The following CYP20A1 variants were observed in gnomAD, a reference collection of about 807,000 sequenced individuals.
CYP20A1 encodes the protein cytochrome P450 20A1.
Under a neutral mutation model 61.4 loss-of-function variants are expected in CYP20A1, and 61 were observed. The observed-to-expected ratio is 0.99, with a 90% CI of 0.81 to 1.23. The LOEUF is 1.23. CYP20A1 is among the 50% of genes most tolerant of loss of function. The pLI is 0.00. For synonymous variants in CYP20A1, 193 were observed against 188.2 expected, an observed-to-expected ratio of 1.03 and a Z score of -0.21; for missense variants, 530 against 542.4, an observed-to-expected ratio of 0.98 and a Z score of 0.23.
At chr2:203,288,565 T>C (rs2068399182) in intron 9 of CYP20A1, among the ~76,000 whole-genome samples, 1 of 152,188 alleles carries the variant, frequency 6.6e-6, no homozygotes, top group Admixed American at 6.6e-5. Context: ...TTGTTGTAGC[T>C]CAGTATCTAG....
At position 203,300,599 on chromosome 2, in the gene CYP20A1, C is replaced by T. The variant is rs2068979739; in HGVS notation, c.*3691C>T. On this transcript the variant is annotated 3_prime_UTR_variant, in exon 13 of 13. Coordinates refer to ENST00000356079, the MANE Select transcript of CYP20A1 (RefSeq NM_177538.3). The stretch of plus-strand genomic sequence containing the variant: ...AGTTCAGAAGTGTATTGTTAAAAAA[C>T]ATAAGCATGGCCGGGCACAGTGGCT... 1.3e-5 allele frequency among the ~76,000 whole-genome samples: 2 copies of T among 152,112 alleles called. No individual in the cohort carries two copies. Among genetic ancestry groups the T allele is most frequent in the Non-Finnish European group, 2.9e-5 (2 of 68,010 alleles).
intron 9 of CYP20A1, 82 bp downstream of exon 9, chr2:203,285,814 AG>A: frequency 2.4e-6 from 3 of 1,250,334 alleles, no homozygotes; most frequent in African/African-American, 1.5e-5. Context: ...GTTGCTATCT[AG>A]GAAAGCTACA....
intron 3 of CYP20A1, among the ~76,000 whole-genome samples, chr2:203,249,280 C>T (rs4675325): frequency 0.92 from 140,671 of 152,194 alleles, 65,275 homozygotes; most frequent in Non-Finnish European, 0.96. Flanking sequence ...CTCAGGAAGC[C>T]GAGGTGCGAA....
Position 203,262,973 on chromosome 2 carries a change from C to T in CYP20A1, c.433-3541C>T, listed in dbSNP as rs556226125. ...AATTACAGGCGTGAGCCACTGTGCC[C>T]GGCAAGTGCTTTTTGTTTTCTGTTT... On this transcript the variant is annotated intron_variant, in intron 4 of 12. Coordinates refer to ENST00000356079, the MANE Select transcript of CYP20A1 (RefSeq NM_177538.3). 1.2e-3 allele frequency among the ~76,000 whole-genome samples: 171 copies of T among 147,814 alleles called. 1 individual carries two copies. The Middle Eastern group carries it at 0.017, about 15-fold the overall frequency.
chr2:203,255,420 A>G (rs920861241), intron 4 of CYP20A1, among the ~76,000 whole-genome samples: 1 of 152,214 alleles, frequency 6.6e-6, no homozygotes, highest in Non-Finnish European at 1.5e-5. Flanking sequence ...CAAAATTATT[A>G]TTATGAGATT....
Position 203,289,795 on chromosome 2 carries a change from T to C in CYP20A1, c.1002T>C (p.Val334=). ...RYCQHVLCET[V]RTAKLTPVSA... ...GTCAGCATGTGCTTTGTGAAACTGT[T>C]CGAACTGCCAAACTGACTCCAGTTT... The change falls in exon 10 of 13, where the codon GTT becomes GTC. Residue 334 remains valine, a synonymous_variant. Coordinates refer to ENST00000356079, the MANE Select transcript of CYP20A1 (RefSeq NM_177538.3). 1 of 1,590,396 alleles carries C rather than the reference T, an allele frequency of 6.3e-7. No homozygotes were observed. The highest frequency in any genetic ancestry group is 8.6e-7 in the Non-Finnish European group (1 of 1,167,882).
chr2:203,265,289 C>G (rs779802992), intron 4 of CYP20A1, among the ~76,000 whole-genome samples: 40 of 152,138 alleles, frequency 2.6e-4, no homozygotes, highest in Non-Finnish European at 5.4e-4. Flanking sequence ...AAAAATGTTT[C>G]CAAACATTTC....
chr2:203,289,940 GTATATA>G, intron 10 of CYP20A1, 64 bp downstream of exon 10: 1 of 597,286 alleles, frequency 1.7e-6, no homozygotes, highest in Non-Finnish European at 2.7e-6. Flanking sequence ...GTGTGTGTGT[GTATATA>G]TATATATATT....
Position 203,294,879 on chromosome 2 carries a change from G to A in CYP20A1, c.1149-1595G>A, listed in dbSNP as rs1237047604. 2.0e-5 allele frequency among the ~76,000 whole-genome samples: 3 copies of A among 148,498 alleles called. No individual in the cohort carries two copies. In the East Asian group the frequency reaches 6.0e-4, roughly 30 times the overall value. On this transcript the variant is annotated intron_variant, in intron 11 of 12. Transcript: ENST00000356079. ...CAATCTTTTGACCTCGTGATCACCT[G>A]CCTCTGCTTCCCAAAGTGCTGGGAT...
At chr2:203,282,179 A>C (rs887135169) in intron 8 of CYP20A1, among the ~76,000 whole-genome samples, 1 of 151,798 alleles carries the variant, frequency 6.6e-6, no homozygotes, top group Non-Finnish European at 1.5e-5. Context: ...CTGGGATTAC[A>C]GGCGCCTGCA....
At chr2:203,260,458 G>T (rs951227265) in intron 4 of CYP20A1, among the ~76,000 whole-genome samples, 1 of 152,142 alleles carries the variant, frequency 6.6e-6, no homozygotes, top group Non-Finnish European at 1.5e-5. Context: ...CTGACCTCAG[G>T]TGATCCATCC....
Position 203,285,747 on chromosome 2 carries a change from A to C in CYP20A1, c.971+15A>C, listed in dbSNP as rs759067826. The C allele has an allele frequency of 3.2e-6, 5 of 1,545,430 alleles. No individual in the cohort carries two copies. In the South Asian group the frequency reaches 3.9e-5, roughly 12 times the overall value. On this transcript the variant is annotated intron_variant, in intron 9 of 12. Coordinates refer to ENST00000356079, the MANE Select transcript of CYP20A1 (RefSeq NM_177538.3). ...GAGCAGCTCAGGTAAGAACACAATAAAAAGAGGAGATTATTAAAAGGTAAA... is the reference window on the plus strand; with the variant it reads ...GAGCAGCTCAGGTAAGAACACAATACAAAGAGGAGATTATTAAAAGGTAAA...
At chr2:203,257,596 T>G (rs979446231) in intron 4 of CYP20A1, among the ~76,000 whole-genome samples, 1 of 152,018 alleles carries the variant, frequency 6.6e-6, no homozygotes, top group Non-Finnish European at 1.5e-5. Flanking sequence ...AAGACCAGCC[T>G]GGCCAACAAA....
At chr2:203,252,670 A>C (rs1248479631) in intron 4 of CYP20A1, among the ~76,000 whole-genome samples, 1 of 151,928 alleles carries the variant, frequency 6.6e-6, no homozygotes, top group Non-Finnish European at 1.5e-5. Context: ...GCTCCATGAT[A>C]GGAGTTTTCA....
At chr2:203,254,017 G>A (rs1488126003) in intron 4 of CYP20A1, among the ~76,000 whole-genome samples, 2 of 151,720 alleles carry the variant, frequency 1.3e-5, no homozygotes, top group African/African-American at 2.4e-5. Context: ...GCGTGATCTC[G>A]GCTCACTGCA....
intron 3 of CYP20A1, among the ~76,000 whole-genome samples, chr2:203,251,200 C>T (rs1354242614): frequency 6.7e-6 from 1 of 148,458 alleles, no homozygotes; most frequent in Non-Finnish European, 1.5e-5. Flanking sequence ...TCTTTGTATG[C>T]GTGTGAAAAC....
At chr2:203,274,623 C>T (rs1331297903) in intron 6 of CYP20A1, among the ~76,000 whole-genome samples, 1 of 151,996 alleles carries the variant, frequency 6.6e-6, no homozygotes, top group East Asian at 1.9e-4. Context: ...TTTCTTCATC[C>T]TTTCAACAAA....
chr2:203,299,329 G>T lies in CYP20A1; in HGVS notation c.*2421G>T, dbSNP rs2068931831. Among the ~76,000 whole-genome samples, 1 of 151,930 alleles carries T rather than the reference G, an allele frequency of 6.6e-6. No homozygotes were observed. The highest frequency in any genetic ancestry group is 6.6e-5 in the Admixed American group (1 of 15,258). On this transcript the variant is annotated 3_prime_UTR_variant, in exon 13 of 13. Transcript: ENST00000356079. ...AGAATATACTCTGGTAGACTGAGGCGGGAGGATCACTTGAGCCCAGGAGTT... is the reference window on the plus strand; with the variant it reads ...AGAATATACTCTGGTAGACTGAGGCTGGAGGATCACTTGAGCCCAGGAGTT...
intron 1 of CYP20A1, among the ~76,000 whole-genome samples, chr2:203,243,783 A>C (rs2066347734): frequency 7.0e-6 from 1 of 142,254 alleles, no homozygotes; most frequent in African/African-American, 2.7e-5. Context: ...TTGACCTCCC[A>C]GGCTCAAGTG....
Sources: gnomAD v4.1 joint callset for allele counts (sites outside exome capture counted in the v4.1 genomes callset) on GRCh38, gnomAD v4.1.1 for gene constraint, MANE v1.5 for transcripts, NCBI Gene and HGNC (gene_info 2026-07-23, HGNC 2026-07-21) for gene names.